The following LRBA variants were observed in gnomAD, a reference collection of about 807,000 sequenced individuals.
The protein encoded by LRBA is LPS responsive beige-like anchor protein.
In LRBA, 176 loss-of-function variants were observed where a neutral mutation model predicts 330.0. That is an observed-to-expected ratio of 0.53 (90% confidence interval 0.47 to 0.60). The LOEUF is 0.60. Among genes scored for constraint, LRBA ranks in the 20% least tolerant of loss-of-function variants. LRBA has a pLI of 0.00. For synonymous variants in LRBA, 1,230 were observed against 1,193.0 expected (o/e 1.03, Z -0.64); for missense variants, 3,259 against 3,444.8 (o/e 0.95, Z 1.35).
intron 37 of LRBA, among the ~76,000 whole-genome samples, chr4:150,682,378 T>A (rs1005257066): frequency 1.3e-5 from 2 of 152,172 alleles, no homozygotes; most frequent in African/African-American, 2.4e-5. Flanking sequence ...CACCTGCAGA[T>A]CAACTGAAAT....
At chr4:150,559,549 AAT>A (rs933520575) in intron 40 of LRBA, among the ~76,000 whole-genome samples, 2 of 126,074 alleles carry the variant, frequency 1.6e-5, no homozygotes, top group East Asian at 4.1e-4. Flanking sequence ...ATATAAGATA[AAT>A]ATATATATTT....
At chr4:150,839,629 T>C (rs62344564) in intron 28 of LRBA, among the ~76,000 whole-genome samples, 18,520 of 152,138 alleles carry the variant, frequency 0.12, 2,300 homozygotes, top group African/African-American at 0.33. Flanking sequence ...CAGCAAACTA[T>C]TGCAAGGACA....
At chr4:150,888,992 A>G (rs1679944651) in intron 17 of LRBA, among the ~76,000 whole-genome samples, 1 of 152,208 alleles carries the variant, frequency 6.6e-6, no homozygotes, top group African/African-American at 2.4e-5. Context: ...GAGGCTTGGT[A>G]TGTCTCAACT....
At chr4:150,982,777 A>C (rs1200955742) in intron 2 of LRBA, among the ~76,000 whole-genome samples, 1 of 152,234 alleles carries the variant, frequency 6.6e-6, no homozygotes, top group African/African-American at 2.4e-5. Flanking sequence ...GGCAATGCTT[A>C]TCAGTTTAAC....
At chr4:150,638,285 C>T (rs1778130670) in intron 37 of LRBA, among the ~76,000 whole-genome samples, 1 of 152,146 alleles carries the variant, frequency 6.6e-6, no homozygotes, top group Admixed American at 6.5e-5. Flanking sequence ...CCTCAGCCTA[C>T]CAAAGCGCTG....
intron 2 of LRBA, among the ~76,000 whole-genome samples, chr4:151,009,570 G>A (rs920740821): frequency 2.1e-4 from 31 of 150,646 alleles, no homozygotes; most frequent in Non-Finnish European, 3.5e-4. Flanking sequence ...AAAAACTAGC[G>A]GGTTTTGGTG....
chr4:150,335,695 T>G (rs1410491722), intron 48 of LRBA, among the ~76,000 whole-genome samples: 2 of 151,930 alleles, frequency 1.3e-5, no homozygotes, highest in Non-Finnish European at 2.9e-5. Flanking sequence ...AATAAATGTT[T>G]TTGTTTTTGT....
At chr4:150,950,941 T>C (rs916618163) in intron 2 of LRBA, among the ~76,000 whole-genome samples, 3 of 152,186 alleles carry the variant, frequency 2.0e-5, no homozygotes, top group African/African-American at 7.2e-5. Context: ...CCAAGACTGT[T>C]TTTTAATTTA....
intron 35 of LRBA, among the ~76,000 whole-genome samples, chr4:150,735,928 A>G (rs1356430269): frequency 1.3e-5 from 2 of 152,224 alleles, no homozygotes; most frequent in Non-Finnish European, 2.9e-5. Context: ...ACACTGAAAC[A>G]GACCTTCAGA....
chr4:150,828,209 T>C lies in LRBA; in HGVS notation c.5142A>G (p.Glu1714=). ...CAAAAGATCTGAACTGCACGGGTTG[T>C]TCCACAGATAGATCACCAAGGGCTC... ...CLGALGDLSV[E]QPVQFRSFDR... is the part of the protein sequence containing the mutation. Residue 1714 remains glutamate (E), a synonymous_variant, in exon 30 of 57, where the codon GAA becomes GAG. Transcript: ENST00000651943. 6.2e-7 allele frequency: 1 copy of C among 1,614,104 alleles called. No individual in the cohort carries two copies. The highest frequency in any genetic ancestry group is 8.5e-7 in the Non-Finnish European group (1 of 1,179,978).
chr4:150,461,722 T>C (rs1754801723), intron 44 of LRBA, among the ~76,000 whole-genome samples: 1 of 151,846 alleles, frequency 6.6e-6, no homozygotes. Context: ...AATTGGGTTT[T>C]CATTGGCAAG....
chr4:150,698,927 T>C (rs1211378325), intron 36 of LRBA, among the ~76,000 whole-genome samples: 1 of 152,150 alleles, frequency 6.6e-6, no homozygotes, highest in Non-Finnish European at 1.5e-5. Context: ...AATAGTGTGT[T>C]CCAGACTAAA....
intron 56 of LRBA, among the ~76,000 whole-genome samples, chr4:150,269,583 A>G (rs1745803205): frequency 1.3e-5 from 2 of 152,242 alleles, no homozygotes; most frequent in African/African-American, 4.8e-5. Flanking sequence ...GGCTTCTTGG[A>G]TATGATATCA....
chr4:150,620,761 C>T lies in LRBA; in HGVS notation c.5922-21630G>A, dbSNP rs112219578. ...ATAAGTGGGAGCTAAGCTACGAGTA[C>T]ACAAGGGCACACAGAGTGATATAAT... On this transcript the variant is annotated intron_variant, in intron 37 of 56. Transcript: ENST00000651943. 8.5e-3 allele frequency among the ~76,000 whole-genome samples: 1,294 copies of T among 152,142 alleles called. 23 individuals are homozygous for T. Among genetic ancestry groups the T allele is most frequent in the African/African-American group, 0.027 (1,139 of 41,496 alleles).
At chr4:151,000,589 C>T (rs1023669171) in intron 2 of LRBA, among the ~76,000 whole-genome samples, 2 of 152,118 alleles carry the variant, frequency 1.3e-5, no homozygotes, top group Non-Finnish European at 2.9e-5. Flanking sequence ...GTAGCATATA[C>T]GTAGAGCATG....
At chr4:150,346,757 CAAAAAAAAAAA>C (rs57119340) in intron 48 of LRBA, among the ~76,000 whole-genome samples, 6 of 66,132 alleles carry the variant, frequency 9.1e-5, no homozygotes, top group Admixed American at 2.2e-4. Flanking sequence ...GACTCTGTCT[CAAAAAAAAAAA>C]AAAAAAAAAA....
intron 2 of LRBA, among the ~76,000 whole-genome samples, chr4:150,995,813 T>C (rs1325560515): frequency 6.6e-6 from 1 of 152,146 alleles, no homozygotes; most frequent in Non-Finnish European, 1.5e-5. Flanking sequence ...ATAATTTCTA[T>C]TGGAAAAATT....
chr4:150,903,767 T>C (rs1360352501), intron 13 of LRBA, among the ~76,000 whole-genome samples: 1 of 152,128 alleles, frequency 6.6e-6, no homozygotes, highest in Non-Finnish European at 1.5e-5. Context: ...CGTATAGAGA[T>C]GAATGAAAGA....
chr4:150,502,733 G>C (rs193101132), intron 40 of LRBA, among the ~76,000 whole-genome samples: 1 of 152,240 alleles, frequency 6.6e-6, no homozygotes, highest in Non-Finnish European at 1.5e-5. Context: ...CGCACCGTGC[G>C]TGAGGCGAAG....
Sources: gnomAD v4.1 joint callset for allele counts (sites outside exome capture counted in the v4.1 genomes callset) on GRCh38, gnomAD v4.1.1 for gene constraint, MANE v1.5 for transcripts, NCBI Gene and HGNC (gene_info 2026-07-23, HGNC 2026-07-21) for gene names.